Variants in PHLDB2 observed in about 807,000 individuals in gnomAD.
PHLDB2 encodes the protein pleckstrin homology-like domain family B member 2.
Under a neutral mutation model 123.6 loss-of-function variants are expected in PHLDB2, and 71 were observed. That is an observed-to-expected ratio of 0.57 (90% CI 0.47 to 0.70). The LOEUF (loss-of-function observed/expected upper bound fraction) is 0.70. PHLDB2 is among the 30% of genes least tolerant of loss of function. The pLI, the probability that PHLDB2 is intolerant of heterozygous loss-of-function variation, is 0.00. For synonymous variants in PHLDB2, 547 were observed against 541.6 expected (o/e 1.01, Z -0.14); for missense variants, 1,446 against 1,519.5 (o/e 0.95, Z 0.80).
chr3:111,875,160 T>C (rs1254771695), intron 1 of PHLDB2, among the ~76,000 whole-genome samples: 2 of 150,934 alleles, frequency 1.3e-5, no homozygotes, highest in Admixed American at 6.5e-5. Flanking sequence ...TCAAGACTGT[T>C]TTTTTTTGCA....
In PHLDB2 at chr3:111,807,475, T is replaced by C. The variant is rs578140556; in HGVS notation, c.-48-38346T>C. 1.6e-4 allele frequency among the ~76,000 whole-genome samples: 25 copies of C among 152,260 alleles called. 1 individual carries two copies. The highest frequency in any genetic ancestry group is 3.4e-3 in the Middle Eastern group (1 of 294). On this transcript the variant is annotated intron_variant, in intron 1 of 17. Transcript: ENST00000393923. The stretch of plus-strand genomic sequence containing the variant: ...CACACACCTGTAATCCCAGCAACTC[T>C]GGGAAGCCAAGTTGGGAGGATTGCT...
intron 7 of PHLDB2, 145 bp from the exon 8 acceptor site, chr3:111,940,390 T>C: frequency 2.0e-6 from 1 of 493,386 alleles, no homozygotes; most frequent in South Asian, 4.0e-5. Flanking sequence ...CACAGTCTCT[T>C]GGTAATAATC....
rs572199178 is a variant in PHLDB2, at chr3:111,953,249, A to G, written c.2772+537A>G. ...ATGTAGTGGAGTGGAATGTGAACCT[A>G]TGCGACCTGATGCCCGCCCAAGCTC... On this transcript the variant is annotated intron_variant, in intron 11 of 17. Transcript: ENST00000431670. Among the ~76,000 whole-genome samples, 16 of 152,232 alleles carry G rather than the reference A, an allele frequency of 1.1e-4. No homozygotes were observed. The East Asian group carries it at 2.3e-3, about 22-fold the overall frequency.
At chr3:111,834,255 TAATTCTATTATATACATA>T (rs2063284909) in intron 1 of PHLDB2, among the ~76,000 whole-genome samples, 1 of 122,078 alleles carries the variant, frequency 8.2e-6, no homozygotes, top group Non-Finnish European at 1.7e-5. Flanking sequence ...ATTATATATA[TAATTCTATTATATACATA>T]ATATATATAA....
chr3:111,922,891 G>T, intron 5 of PHLDB2, among the ~76,000 whole-genome samples: 1 of 151,666 alleles, frequency 6.6e-6, no homozygotes, highest in East Asian at 1.9e-4. Flanking sequence ...TTCCATCAAA[G>T]ACCACTCCCT....
At chr3:111,780,355 G>C (rs1250461178) in intron 1 of PHLDB2, among the ~76,000 whole-genome samples, 4 of 27,772 alleles carry the variant, frequency 1.4e-4, no homozygotes, top group Admixed American at 4.9e-4. Context: ...AGAAGAAGAA[G>C]AAGAAGAAGA....
intron 17 of PHLDB2, 26 bp downstream of exon 17, chr3:111,973,843 A>G (rs750952971): frequency 1.1e-5 from 15 of 1,408,402 alleles, no homozygotes; most frequent in Non-Finnish European, 1.3e-5. Flanking sequence ...CTAAATTCCT[A>G]CAATTTGAAT....
At chr3:111,828,863 A>C (rs1407639757) in intron 1 of PHLDB2, among the ~76,000 whole-genome samples, 1 of 152,200 alleles carries the variant, frequency 6.6e-6, no homozygotes, top group Non-Finnish European at 1.5e-5. Flanking sequence ...GAAACCTAGA[A>C]AACATCTATT....
intron 1 of PHLDB2, among the ~76,000 whole-genome samples, chr3:111,773,625 C>A (rs906045337): frequency 3.9e-5 from 6 of 152,234 alleles, no homozygotes; most frequent in African/African-American, 1.4e-4. Flanking sequence ...GACTTCGTAT[C>A]TTTCTGCCTT....
chr3:111,868,441 GT>G (rs975872239), intron 1 of PHLDB2, among the ~76,000 whole-genome samples: 20 of 150,664 alleles, frequency 1.3e-4, no homozygotes, highest in East Asian at 9.7e-4. Flanking sequence ...TCTTCCTCTT[GT>G]TTTTTTTTCC....
chr3:111,827,756 G>T (rs1249971630), intron 1 of PHLDB2, among the ~76,000 whole-genome samples: 2 of 150,772 alleles, frequency 1.3e-5, no homozygotes, highest in Admixed American at 6.6e-5. Context: ...GTTTCTTCCT[G>T]GGAAGCTTCA....
At chr3:111,861,728 GA>G (rs1170472666) in intron 1 of PHLDB2, among the ~76,000 whole-genome samples, 5 of 152,232 alleles carry the variant, frequency 3.3e-5, no homozygotes, top group Admixed American at 1.3e-4. Flanking sequence ...TGACCAAGCT[GA>G]AACTCGTTAG....
At chr3:111,962,456 A>G (rs1044390040) in intron 13 of PHLDB2, 144 bp downstream of exon 13, 6 of 650,954 alleles carry the variant, frequency 9.2e-6, no homozygotes, top group East Asian at 3.1e-5. Flanking sequence ...GAGGGTTGGT[A>G]TCATGATGGC....
At chr3:111,916,493 G>A (rs767647972) in intron 3 of PHLDB2, 18 of 152,108 alleles carry the variant, frequency 1.2e-4, no homozygotes, top group Non-Finnish European at 2.4e-4. Flanking sequence ...GTTAATAATC[G>A]ATTTAGGGAT....
intron 1 of PHLDB2, among the ~76,000 whole-genome samples, chr3:111,828,136 TACACAGAACC>T (rs1417436858): frequency 6.6e-6 from 1 of 152,212 alleles, no homozygotes; most frequent in Non-Finnish European, 1.5e-5. Flanking sequence ...AGCTCTCAAC[TACACAGAACC>T]AGTGTATTTC....
At chr3:111,889,800 A>G (rs1559887946) in intron 2 of PHLDB2, among the ~76,000 whole-genome samples, 1 of 152,180 alleles carries the variant, frequency 6.6e-6, no homozygotes, top group African/African-American at 2.4e-5. Context: ...TAACTACTTG[A>G]TAATCTCTAT....
At chr3:111,785,834 G>T (rs185179385) in intron 1 of PHLDB2, among the ~76,000 whole-genome samples, 2 of 152,204 alleles carry the variant, frequency 1.3e-5, no homozygotes, top group East Asian at 3.9e-4. Flanking sequence ...AATGGTGGTG[G>T]TTCAGGAAAC....
At chr3:111,804,457 A>C (rs1307211918) in intron 1 of PHLDB2, among the ~76,000 whole-genome samples, 2 of 152,246 alleles carry the variant, frequency 1.3e-5, no homozygotes, top group East Asian at 3.8e-4. Context: ...ACCTGTTAGA[A>C]ATAAAGAAAG....
At chr3:111,774,840 C>T (rs1210053805) in intron 1 of PHLDB2, among the ~76,000 whole-genome samples, 1 of 152,144 alleles carries the variant, frequency 6.6e-6, no homozygotes, top group Non-Finnish European at 1.5e-5. Context: ...GGTGTGGTTT[C>T]ATTCCCCAGT....
Sources: allele counts gnomAD v4.1 joint callset (sites outside exome capture counted in the v4.1 genomes callset), GRCh38; gene constraint gnomAD v4.1.1; transcripts MANE v1.5; gene names NCBI Gene and HGNC (gene_info 2026-07-23, HGNC 2026-07-21).